Variants in SLC25A33 observed in about 807,000 individuals in gnomAD.
The protein encoded by SLC25A33 is bone marrow stromal cell mitochondrial carrier protein.
A neutral mutation model predicts 35.5 loss-of-function variants in SLC25A33; 15 were observed. The ratio of observed to expected loss-of-function variants is 0.42; its 90% CI spans 0.28 to 0.65. The LOEUF is 0.65. Ranked by LOEUF, SLC25A33 falls within the 30% of genes least tolerant of loss-of-function variation. SLC25A33 has a pLI of 0.20. For synonymous variants in SLC25A33, 136 were observed against 148.7 expected, an observed-to-expected ratio of 0.91 and a Z score of 0.62; for missense variants, 257 against 398.5, an observed-to-expected ratio of 0.64 and a Z score of 3.02.
rs372240578 is a variant in SLC25A33, at chr1:9,577,032, T to A, written c.483-2922T>A. ...CAGAAACAACATGCTGGATGATTCCTAAGACCTATTGGTGATATTTAAATG... is the reference window on the plus strand; with the variant it reads ...CAGAAACAACATGCTGGATGATTCCAAAGACCTATTGGTGATATTTAAATG... On this transcript the variant is annotated intron_variant, in intron 5 of 6. Transcript: ENST00000302692. 1.6e-5 allele frequency: 13 copies of A among 819,630 alleles called. No homozygotes were observed. In the Middle Eastern group the frequency reaches 1.2e-3, roughly 74 times the overall value. 50.8% of individuals were successfully genotyped at this position (819,630 alleles called of 1,614,324 possible).
intron 6 of SLC25A33, among the ~76,000 whole-genome samples, chr1:9,580,864 AAAAT>A (rs374443465): frequency 0.037 from 4,786 of 129,126 alleles, 161 homozygotes; most frequent in African/African-American, 0.11. Context: ...CAAAAAAAAA[AAAAT>A]AATAATAATA....
Position 9,582,628 on chromosome 1 carries a change from C to G in SLC25A33, c.*127C>G, listed in dbSNP as rs1643762093. On this transcript the variant is annotated 3_prime_UTR_variant, in exon 7 of 7. Coordinates refer to ENST00000302692, the MANE Select transcript of SLC25A33 (RefSeq NM_032315.3). This position sits in a 1 kb window ranked among gnomAD's most constrained non-coding sequence, Gnocchi z 4.0. ...CCATAAAATATCTGGTTCATATCAC[C>G]TGTTGGACATTTCCTTTTGGATTCA... 1.2e-6 allele frequency: 1 copy of G among 839,042 alleles called. No homozygotes were observed. The highest frequency in any genetic ancestry group is 2.7e-5 in the East Asian group (1 of 37,194). 52.0% of individuals were successfully genotyped at this position (839,042 alleles called of 1,614,324 possible).
At chr1:9,566,247 C>A (rs991210077) in intron 2 of SLC25A33, among the ~76,000 whole-genome samples, 1 of 152,108 alleles carries the variant, frequency 6.6e-6, no homozygotes, top group Admixed American at 6.6e-5. Flanking sequence ...TACTGTGTTG[C>A]TCAGGCTGGT....
chr1:9,568,199 T>C (rs1643537459), intron 3 of SLC25A33, among the ~76,000 whole-genome samples: 1 of 152,210 alleles, frequency 6.6e-6, no homozygotes. Context: ...CCCAGCACTT[T>C]GGGAGGCTGA....
At chr1:9,550,644 C>T (rs965592914) in intron 1 of SLC25A33, among the ~76,000 whole-genome samples, 3 of 151,798 alleles carry the variant, frequency 2.0e-5, no homozygotes, top group Non-Finnish European at 4.4e-5. Context: ...AAAGTTTTTA[C>T]GTCTATCATT....
chr1:9,579,704 A>G (rs950514556), intron 5 of SLC25A33, among the ~76,000 whole-genome samples: 2 of 152,196 alleles, frequency 1.3e-5, no homozygotes, highest in Non-Finnish European at 2.9e-5. Flanking sequence ...TCATGGAGTA[A>G]GACCAACAAG....
intron 4 of SLC25A33, among the ~76,000 whole-genome samples, chr1:9,572,545 G>A (rs1027844408): frequency 4.6e-5 from 7 of 152,072 alleles, no homozygotes; most frequent in Non-Finnish European, 1.0e-4. Flanking sequence ...GTCAACCCGG[G>A]AGGCGGAGCT....
At position 9,564,739 on chromosome 1, in the gene SLC25A33, A is replaced by AAT. The variant is rs70979762; in HGVS notation, c.237-2519_237-2518dup. Among the ~76,000 whole-genome samples, 909 of 96,478 alleles carry AAT rather than the reference A, an allele frequency of 9.4e-3. 13 individuals carry two copies. Among genetic ancestry groups the AAT allele is most frequent in the Non-Finnish European group, 0.013 (664 of 49,926 alleles). 63.3% of individuals were successfully genotyped at this position (96,478 alleles called of 152,430 possible). A position where few individuals can be genotyped will look rare whatever the true frequency, so the allele number is the denominator to read the frequency against. On this transcript the variant is annotated intron_variant, in intron 2 of 6. Coordinates refer to ENST00000302692, the MANE Select transcript of SLC25A33 (RefSeq NM_032315.3). ...TCGTCTCTATTTAAAAAAAAAAAAA[A>AAT]ATATATATATATATATATATATATA...
intron 1 of SLC25A33, among the ~76,000 whole-genome samples, chr1:9,549,959 T>C (rs1643239511): frequency 7.0e-6 from 1 of 143,732 alleles, no homozygotes; most frequent in African/African-American, 2.5e-5. Context: ...TATCTTTATA[T>C]ATATATTTCT....
At chr1:9,542,353 C>G (rs757170345) in intron 1 of SLC25A33, among the ~76,000 whole-genome samples, 1 of 152,248 alleles carries the variant, frequency 6.6e-6, no homozygotes, top group Non-Finnish European at 1.5e-5. Flanking sequence ...AGGGTGGCGC[C>G]TGAAGCCATT....
intron 4 of SLC25A33, among the ~76,000 whole-genome samples, chr1:9,571,932 C>T (rs540943011): frequency 1.3e-5 from 2 of 152,300 alleles, no homozygotes; most frequent in South Asian, 4.1e-4. Context: ...TAAGCCACCA[C>T]GCCGAGCCTA....
At position 9,582,721 on chromosome 1, in the gene SLC25A33, G is replaced by A. The variant is rs1222193163; in HGVS notation, c.*220G>A. On this transcript the variant is annotated 3_prime_UTR_variant, in exon 7 of 7. Coordinates refer to ENST00000302692, the MANE Select transcript of SLC25A33 (RefSeq NM_032315.3). The surrounding 1 kb of genome is among the most constrained non-coding windows in gnomAD (Gnocchi z 4.0). ...TATAACTTTTTTTTTAACTTAAGAG[G>A]ATTCAGGGTTAAGCACCAACTAAAT... 2 of 540,562 alleles carry A rather than the reference G, an allele frequency of 3.7e-6. No individual in the cohort carries two copies. The highest frequency in any genetic ancestry group is 3.2e-6 in the Non-Finnish European group (1 of 309,396). The allele number at this position is 540,562 out of a possible 1,614,324, so 33.5% of individuals were successfully genotyped here.
In SLC25A33 at chr1:9,553,203, G is replaced by GTTTTTTTTTTTTTTTTTTTTTT. The variant is rs550067186; in HGVS notation, c.57-420_57-399dup. On this transcript the variant is annotated intron_variant, in intron 1 of 6. Transcript: ENST00000302692. ...TTAACCTTTATTGTGTTCTAGTTTT[G>GTTTTTTTTTTTTTTTTTTTTTT]TTTTTTTTTTTTTTTTTTTTTTTTG... Among the ~76,000 whole-genome samples the GTTTTTTTTTTTTTTTTTTTTTT allele has an allele frequency of 1.2e-3, 70 of 56,490 alleles. 2 individuals carry two copies. Among genetic ancestry groups the GTTTTTTTTTTTTTTTTTTTTTT allele is most frequent in the Admixed American group, 1.4e-3 (5 of 3,674 alleles). The allele number at this position is 56,490 out of a possible 152,430, so 37.1% of individuals were successfully genotyped here. A position where few individuals can be genotyped will look rare whatever the true frequency, so the allele number is the denominator to read the frequency against.
At chr1:9,565,914 A>G (rs1643496249) in intron 2 of SLC25A33, among the ~76,000 whole-genome samples, 1 of 151,910 alleles carries the variant, frequency 6.6e-6, no homozygotes, top group African/African-American at 2.4e-5. Flanking sequence ...ATGAAAAACG[A>G]AAAGCAGTCA....
intron 1 of SLC25A33, among the ~76,000 whole-genome samples, chr1:9,542,802 G>A (rs756514062): frequency 5.3e-5 from 8 of 152,182 alleles, no homozygotes; most frequent in African/African-American, 1.2e-4. Context: ...TACTGAACAA[G>A]CATTTCTTTA....
At chr1:9,581,205 G>A (rs1331063582) in intron 6 of SLC25A33, among the ~76,000 whole-genome samples, 8 of 152,172 alleles carry the variant, frequency 5.3e-5, no homozygotes, top group East Asian at 1.9e-4. Flanking sequence ...CAGGAGTGAC[G>A]AATGTCCAAC....
intron 2 of SLC25A33, among the ~76,000 whole-genome samples, chr1:9,559,602 C>T (rs555928483): frequency 1.3e-5 from 2 of 151,376 alleles, no homozygotes; most frequent in African/African-American, 2.4e-5. Context: ...GCATACTCTT[C>T]GGGGGAAATT....
chr1:9,543,198 C>CA (rs1557522407), intron 1 of SLC25A33, among the ~76,000 whole-genome samples: 1 of 151,972 alleles, frequency 6.6e-6, no homozygotes, highest in Non-Finnish European at 1.5e-5. Flanking sequence ...GGCTGGAGTG[C>CA]AGTGGTGCGA....
chr1:9,570,081 G>A (rs552557842), intron 3 of SLC25A33, among the ~76,000 whole-genome samples, 177 bp from the exon 4 acceptor site: 5 of 152,330 alleles, frequency 3.3e-5, no homozygotes, highest in Admixed American at 3.3e-4. Context: ...GGGACACACA[G>A]GAGCTTCCTG....
Sources: allele counts gnomAD v4.1 joint callset (sites outside exome capture counted in the v4.1 genomes callset), GRCh38; gene constraint gnomAD v4.1.1; non-coding constraint Gnocchi (gnomAD v3.1); transcripts MANE v1.5; gene names NCBI Gene and HGNC (gene_info 2026-07-23, HGNC 2026-07-21).